Variants in TEX36 observed in about 807,000 individuals in gnomAD.
The protein encoded by TEX36 is testis-expressed protein 36.
Under a neutral mutation model 13.6 loss-of-function variants are expected in TEX36, and 12 were observed. The observed-to-expected ratio is 0.88, with a 90% CI of 0.56 to 1.43. The LOEUF (loss-of-function observed/expected upper bound fraction) is 1.43. Ranked by LOEUF, TEX36 falls within the 40% of genes most tolerant of loss-of-function variation. The pLI is 0.00. For synonymous variants in TEX36, 93 were observed against 83.0 expected, an observed-to-expected ratio of 1.12 and a Z score of -0.65; for missense variants, 224 against 228.3, an observed-to-expected ratio of 0.98 and a Z score of 0.12.
downstream of TEX36, among the ~76,000 whole-genome samples, chr10:125,650,944 CAAG>C (rs1846843072): frequency 6.6e-6 from 1 of 152,046 alleles, no homozygotes; most frequent in Non-Finnish European, 1.5e-5. Flanking sequence ...AAGACTAAAC[CAAG>C]AAGAAGTTGA....
In TEX36 at chr10:125,612,140, A is replaced by C. The variant is rs180908536; in HGVS notation, c.265-35266T>G. On this transcript the variant is annotated intron_variant, in intron 3 of 3. Coordinates refer to the TEX36 transcript ENST00000532135. ...TTGCTCTGTCACCCAGGCTGGAGTGAGGTGGCAATCTTGGCTCACTGCAAC... is the reference window on the plus strand; with the variant it reads ...TTGCTCTGTCACCCAGGCTGGAGTGCGGTGGCAATCTTGGCTCACTGCAAC... Among the ~76,000 whole-genome samples, 1,044 of 140,190 alleles carry C rather than the reference A, an allele frequency of 7.4e-3. 12 individuals carry two copies. Among genetic ancestry groups the C allele is most frequent in the African/African-American group, 0.027 (989 of 36,912 alleles). The allele number at this position is 140,190 out of a possible 152,430, so 92.0% of individuals were successfully genotyped here. A position where few individuals can be genotyped will look rare whatever the true frequency, so the allele number is the denominator to read the frequency against.
At chr10:125,669,694 G>A (rs1455450724) in intron 1 of TEX36, among the ~76,000 whole-genome samples, 1 of 152,176 alleles carries the variant, frequency 6.6e-6, no homozygotes, top group Non-Finnish European at 1.5e-5. Context: ...CTATCAACCT[G>A]TCACCTAGGT....
intron 3 of TEX36, among the ~76,000 whole-genome samples, chr10:125,604,974 A>G (rs1305460627): frequency 2.6e-5 from 4 of 152,290 alleles, no homozygotes; most frequent in Admixed American, 2.6e-4. Context: ...CACTGTAATC[A>G]TAACAGAAAT....
At chr10:125,605,287 C>T (rs148650608) in intron 3 of TEX36, among the ~76,000 whole-genome samples, 2 of 152,260 alleles carry the variant, frequency 1.3e-5, no homozygotes, top group Non-Finnish European at 2.9e-5. Flanking sequence ...TTAATCTCCA[C>T]ACACAGCATA....
At chr10:125,589,332 A>G (rs1210238738) in intron 3 of TEX36, among the ~76,000 whole-genome samples, 3 of 152,180 alleles carry the variant, frequency 2.0e-5, no homozygotes, top group African/African-American at 4.8e-5. Context: ...CCTTTCTAAT[A>G]TTCTTATCTT....
rs1846931008 is a variant in TEX36, at chr10:125,655,833, C to A, written c.*67G>T. 9 of 1,396,768 alleles carry A rather than the reference C, an allele frequency of 6.4e-6. No individual in the cohort carries two copies. The highest frequency in any genetic ancestry group is 8.4e-6 in the Non-Finnish European group (9 of 1,069,440). The allele number at this position is 1,396,768 out of a possible 1,614,324, so 86.5% of individuals were successfully genotyped here. ...TAAATAGTGGTGCTGGATCAGAAAA[C>A]ATATACTTTTAGGATGTCTGATGAA... On this transcript the variant is annotated 3_prime_UTR_variant, in exon 4 of 4. Coordinates refer to ENST00000368821, the MANE Select transcript of TEX36 (RefSeq NM_001128202.3).
chr10:125,662,866 G>A (rs1005258246), intron 1 of TEX36, among the ~76,000 whole-genome samples: 1 of 152,180 alleles, frequency 6.6e-6, no homozygotes, highest in Non-Finnish European at 1.5e-5. Flanking sequence ...TTCCTGAAGG[G>A]GGGTGTGGCT....
chr10:125,604,025 T>TTGCTGG (rs1398275014), intron 3 of TEX36, among the ~76,000 whole-genome samples: 1 of 152,172 alleles, frequency 6.6e-6, no homozygotes, highest in African/African-American at 2.4e-5. Flanking sequence ...CAGAAAGTGC[T>TTGCTGG]TGCTGGTGAG....
chr10:125,623,181 GT>G (rs1653961350), intron 3 of TEX36, among the ~76,000 whole-genome samples: 2 of 152,186 alleles, frequency 1.3e-5, no homozygotes, highest in Admixed American at 1.3e-4. Flanking sequence ...AGTTGGTGTT[GT>G]AAGGCCATTC....
At chr10:125,623,139 C>A (rs552290251) in intron 3 of TEX36, among the ~76,000 whole-genome samples, 4 of 152,206 alleles carry the variant, frequency 2.6e-5, no homozygotes, top group Non-Finnish European at 5.9e-5. Context: ...TTCTGGAGAA[C>A]TTTGCCCCAA....
chr10:125,682,695 C>T (rs1298792189), intron 1 of TEX36, among the ~76,000 whole-genome samples: 1 of 152,200 alleles, frequency 6.6e-6, no homozygotes, highest in Non-Finnish European at 1.5e-5. Flanking sequence ...GCAGGAATGA[C>T]TGCTTAGTGG....
intron 3 of TEX36, among the ~76,000 whole-genome samples, chr10:125,609,169 CAA>C (rs869082542): frequency 5.1e-5 from 3 of 59,136 alleles, no homozygotes; most frequent in African/African-American, 6.3e-5. Flanking sequence ...AAAAACAAAA[CAA>C]AAAAAAAAAA....
chr10:125,625,074 G>C (rs1466859505), intron 3 of TEX36, among the ~76,000 whole-genome samples: 1 of 152,198 alleles, frequency 6.6e-6, no homozygotes, highest in African/African-American at 2.4e-5. Flanking sequence ...ACCTCTTCCA[G>C]AAAGTCCGTG....
At chr10:125,673,178 G>C (rs1210852202) in intron 1 of TEX36, among the ~76,000 whole-genome samples, 1 of 152,076 alleles carries the variant, frequency 6.6e-6, no homozygotes, top group Non-Finnish European at 1.5e-5. Flanking sequence ...GATGTTAGCT[G>C]GTTATTTTTG....
chr10:125,641,803 C>T (rs1035828226), intron 3 of TEX36, among the ~76,000 whole-genome samples: 7 of 152,192 alleles, frequency 4.6e-5, no homozygotes, highest in African/African-American at 1.7e-4. Context: ...TTGGGGACAT[C>T]TATGCTAGAG....
intron 3 of TEX36, among the ~76,000 whole-genome samples, chr10:125,590,934 G>T (rs1045559978): frequency 3.9e-5 from 6 of 152,054 alleles, no homozygotes; most frequent in Non-Finnish European, 5.9e-5. Context: ...GTTCCTCTTC[G>T]GTTATGTTCA....
At position 125,600,670 on chromosome 10, in the gene TEX36, C is replaced by G. The variant is rs535472353; in HGVS notation, c.265-23796G>C. On this transcript the variant is annotated intron_variant, in intron 3 of 3. Coordinates refer to the TEX36 transcript ENST00000532135. ...GATACCCCAGGGTCCCAATCACAAC[C>G]CTCTATGCAATGGCCTTTGAGTTAC... Among the ~76,000 whole-genome samples the G allele has an allele frequency of 5.9e-5, 9 of 152,238 alleles. No homozygotes were observed. The South Asian group carries it at 1.2e-3, about 21-fold the overall frequency.
chr10:125,588,943 A>G (rs1226256055), intron 3 of TEX36, among the ~76,000 whole-genome samples: 1 of 152,170 alleles, frequency 6.6e-6, no homozygotes, highest in Non-Finnish European at 1.5e-5. Context: ...CTCACAGAAC[A>G]AGAGATCCCT....
intron 3 of TEX36, among the ~76,000 whole-genome samples, chr10:125,605,518 G>C (rs1157340459): frequency 3.9e-5 from 6 of 152,212 alleles, no homozygotes; most frequent in Non-Finnish European, 8.8e-5. Flanking sequence ...AAGTGCTTTA[G>C]AATTCTTTTG....
Sources: allele counts gnomAD v4.1 joint callset (sites outside exome capture counted in the v4.1 genomes callset), GRCh38; gene constraint gnomAD v4.1.1; transcripts MANE v1.5; gene names NCBI Gene and HGNC (gene_info 2026-07-23, HGNC 2026-07-21).